Variants in BACH2 observed in about 807,000 individuals in gnomAD.
BACH2 encodes the protein BACH transcriptional regulator 2.
A neutral mutation model predicts 61.8 loss-of-function variants in BACH2; 5 were observed. The ratio of observed to expected loss-of-function variants is 0.08; its 90% CI spans 0.04 to 0.17. BACH2 has a LOEUF of 0.17. Ranked by LOEUF, BACH2 falls within the 10% of genes least tolerant of loss-of-function variation. The probability of loss-of-function intolerance (pLI) is 1.00; values close to 1 mark genes in which losing one functional copy is unlikely to be tolerated. For synonymous variants in BACH2, 446 were observed against 440.1 expected (o/e 1.01, Z -0.17); for missense variants, 824 against 1,091.1 (o/e 0.76, Z 3.45).
chr6:90,249,083 G>C (rs1291163460), intron 3 of BACH2, among the ~76,000 whole-genome samples: 2 of 152,124 alleles, frequency 1.3e-5, no homozygotes, highest in Non-Finnish European at 1.5e-5. Context: ...TTGTCTTGTA[G>C]AATGGGAAAA....
chr6:90,203,732 T>C (rs980816321), intron 4 of BACH2, among the ~76,000 whole-genome samples: 1 of 152,336 alleles, frequency 6.6e-6, no homozygotes, highest in South Asian at 2.1e-4. Flanking sequence ...ATATTCCCTG[T>C]AGACTGGCCT....
chr6:90,020,249 T>A (rs1778301142), intron 5 of BACH2, among the ~76,000 whole-genome samples: 2 of 152,158 alleles, frequency 1.3e-5, no homozygotes, highest in Non-Finnish European at 2.9e-5. Flanking sequence ...TTATCATGGG[T>A]GCATTGCTAT....
intron 4 of BACH2, among the ~76,000 whole-genome samples, chr6:90,158,038 G>C (rs1785053855): frequency 1.3e-5 from 2 of 152,120 alleles, no homozygotes; most frequent in African/African-American, 4.8e-5. Flanking sequence ...CTGATGAAGG[G>C]ATATGGAGCT....
intron 4 of BACH2, among the ~76,000 whole-genome samples, chr6:90,094,464 T>C (rs551871735): frequency 1.6e-4 from 24 of 152,214 alleles, no homozygotes; most frequent in African/African-American, 4.6e-4. Context: ...ATTTCCAGTG[T>C]TGCTCTCAAT....
At chr6:89,970,836 C>A (rs1253750884) in intron 6 of BACH2, among the ~76,000 whole-genome samples, 1 of 151,990 alleles carries the variant, frequency 6.6e-6, no homozygotes, top group African/African-American at 2.4e-5. Context: ...AGAGGGAGCA[C>A]AAGAACACAA....
chr6:90,241,304 C>T (rs993924817), intron 3 of BACH2, among the ~76,000 whole-genome samples: 2 of 152,018 alleles, frequency 1.3e-5, no homozygotes, highest in African/African-American at 4.8e-5. Context: ...GTGGTATTCA[C>T]CACAGCTAAA....
In BACH2 at chr6:90,121,155, TC is replaced by T. The variant is rs1783607142; in HGVS notation, c.-161-32047del. Among the ~76,000 whole-genome samples the T allele has an allele frequency of 2.0e-5, 3 of 152,180 alleles. No individual in the cohort carries two copies. The South Asian group carries it at 6.2e-4, about 31-fold the overall frequency. On this transcript the variant is annotated intron_variant, in intron 4 of 8. Coordinates refer to ENST00000257749, the MANE Select transcript of BACH2 (RefSeq NM_021813.4). Reference sequence around the variant, plus strand: ...CATGAAAGATTACATGAAGTTCCAATCAGCAGACCCAAACTCGAAGAAAAGG... The same window carrying T: ...CATGAAAGATTACATGAAGTTCCAATAGCAGACCCAAACTCGAAGAAAAGG...
intron 2 of BACH2, among the ~76,000 whole-genome samples, chr6:90,255,522 T>C (rs1167161267): frequency 6.6e-6 from 1 of 152,158 alleles, no homozygotes; most frequent in Non-Finnish European, 1.5e-5. Flanking sequence ...GCATTTGAGT[T>C]GGGCCTGAGA....
At chr6:90,246,638 GA>G (rs1770648289) in intron 3 of BACH2, among the ~76,000 whole-genome samples, 1 of 152,038 alleles carries the variant, frequency 6.6e-6, no homozygotes, top group South Asian at 2.1e-4. Flanking sequence ...CAAGAAAAAT[GA>G]GTACATATAA....
intron 4 of BACH2, among the ~76,000 whole-genome samples, chr6:90,123,071 T>C (rs965958873): frequency 2.6e-5 from 4 of 152,134 alleles, no homozygotes; most frequent in African/African-American, 9.7e-5. Context: ...AAACTTTATG[T>C]TGGAAAAGGA....
intron 4 of BACH2, among the ~76,000 whole-genome samples, chr6:90,106,549 T>TTAGGTACACTCTATGATGTTTGCAC (rs2127814180): frequency 6.6e-6 from 1 of 152,314 alleles, no homozygotes; most frequent in East Asian, 1.9e-4. Flanking sequence ...TAGGTTTGCA[T>TTAGGTACACTCTATGATGTTTGCAC]TAGGTACACT....
At chr6:90,266,280 G>A (rs661713) in intron 2 of BACH2, among the ~76,000 whole-genome samples, 103,280 of 151,854 alleles carry the variant, frequency 0.68, 36,599 homozygotes, top group African/African-American at 0.89. Flanking sequence ...ACTGAAGCCA[G>A]TGAAAACAGA....
intron 7 of BACH2, among the ~76,000 whole-genome samples, chr6:89,948,243 G>A (rs1773863946): frequency 6.6e-6 from 1 of 151,956 alleles, no homozygotes; most frequent in South Asian, 2.1e-4. Flanking sequence ...GTCTCACTTT[G>A]TCACCGAGGC....
chr6:90,247,741 T>C (rs1035708904), intron 3 of BACH2, among the ~76,000 whole-genome samples: 6 of 152,180 alleles, frequency 3.9e-5, no homozygotes, highest in Admixed American at 6.5e-5. Flanking sequence ...ATCCCTGGAA[T>C]GTCTTCCCAT....
chr6:90,158,190 G>A (rs1012022984), intron 4 of BACH2, among the ~76,000 whole-genome samples: 10 of 152,176 alleles, frequency 6.6e-5, no homozygotes, highest in Non-Finnish European at 1.5e-4. Context: ...CGGAGCTAAA[G>A]AGGTAGGCAG....
rs1772425363 is a variant in BACH2, at chr6:89,927,671, A to G, written c.*4737T>C. 1 of 152,826 alleles carries G rather than the reference A, an allele frequency of 6.5e-6. No individual in the cohort carries two copies. The allele number at this position is 152,826 out of a possible 1,614,324, so 9.5% of individuals were successfully genotyped here. On this transcript the variant is annotated 3_prime_UTR_variant, in exon 9 of 9. Transcript: ENST00000257749. ...CTGCAACCAAGTGGGTATTCTTCAC[A>G]AAATGGCAGCATCGTTTTCATATTA...
Position 90,008,964 on chromosome 6 carries a change from C to G in BACH2, c.-12-108G>C. 7.5e-7 allele frequency: 1 copy of G among 1,330,778 alleles called. No individual in the cohort carries two copies. The highest frequency in any genetic ancestry group is 1.0e-6 in the Non-Finnish European group (1 of 984,514). 82.4% of individuals were successfully genotyped at this position (1,330,778 alleles called of 1,614,324 possible). On this transcript the variant is annotated intron_variant, in intron 5 of 8. Coordinates refer to ENST00000257749, the MANE Select transcript of BACH2 (RefSeq NM_021813.4). The surrounding 1 kb of genome is among the most constrained non-coding windows in gnomAD (Gnocchi z 4.1). ...AGAACATCATGGTTCCTGTGTCCCACTGCCATGAGCATGGCAGGAAGGAGG... is the reference window on the plus strand; with the variant it reads ...AGAACATCATGGTTCCTGTGTCCCAGTGCCATGAGCATGGCAGGAAGGAGG...
chr6:90,281,393 C>G (rs186914550), intron 1 of BACH2, among the ~76,000 whole-genome samples: 46 of 152,274 alleles, frequency 3.0e-4, no homozygotes, highest in Non-Finnish European at 5.0e-4. Context: ...AAAACATAGA[C>G]AGTTTTTAAA....
At chr6:90,010,390 A>G (rs186268951) in intron 5 of BACH2, among the ~76,000 whole-genome samples, 2 of 152,240 alleles carry the variant, frequency 1.3e-5, no homozygotes, top group African/African-American at 2.4e-5. Flanking sequence ...TCTATTCAGC[A>G]TAATTATTTC....
Sources: gnomAD v4.1 joint callset for allele counts (sites outside exome capture counted in the v4.1 genomes callset) on GRCh38, gnomAD v4.1.1 for gene constraint, Gnocchi (gnomAD v3.1) non-coding constraint, MANE v1.5 for transcripts, NCBI Gene and HGNC (gene_info 2026-07-23, HGNC 2026-07-21) for gene names.